KAT6B: variants seen among roughly 807,000 people sequenced by gnomAD.
KAT6B encodes the protein histone acetyltransferase KAT6B.
Under a neutral mutation model 187.5 loss-of-function variants are expected in KAT6B, and 10 were observed. The ratio of observed to expected loss-of-function variants is 0.05; its 90% CI spans 0.03 to 0.09. The LOEUF (loss-of-function observed/expected upper bound fraction) is 0.09. KAT6B is among the 10% of genes least tolerant of loss of function. The probability of loss-of-function intolerance (pLI) is 1.00; values close to 1 mark genes in which losing one functional copy is unlikely to be tolerated. For missense variants in KAT6B, 1,952 were observed against 2,558.9 expected (o/e 0.76, Z 5.12); for synonymous variants, 861 against 926.8 (o/e 0.93, Z 1.29).
intron 3 of KAT6B, among the ~76,000 whole-genome samples, chr10:74,956,779 T>C (rs1185400571): frequency 6.6e-6 from 1 of 152,248 alleles, no homozygotes; most frequent in Non-Finnish European, 1.5e-5. Flanking sequence ...GCCTAGCAGC[T>C]GCCCCAGGGC....
At chr10:74,973,027 T>C (rs1262908331) in intron 7 of KAT6B, among the ~76,000 whole-genome samples, 1 of 152,246 alleles carries the variant, frequency 6.6e-6, no homozygotes, top group Non-Finnish European at 1.5e-5. Flanking sequence ...AAATCTCTTT[T>C]GTCACTCCAG....
intron 3 of KAT6B, among the ~76,000 whole-genome samples, chr10:74,859,255 T>A (rs1319149416): frequency 6.8e-6 from 1 of 148,066 alleles, no homozygotes; most frequent in Non-Finnish European, 1.5e-5. Flanking sequence ...TAATTTTGTA[T>A]TTTTTTTTTA....
intron 3 of KAT6B, among the ~76,000 whole-genome samples, chr10:74,913,068 G>C (rs1847364587): frequency 6.6e-6 from 1 of 152,218 alleles, no homozygotes; most frequent in African/African-American, 2.4e-5. Context: ...GACTTGAAGA[G>C]AGAGAAAGGG....
At chr10:74,897,796 G>C (rs972461565) in intron 3 of KAT6B, among the ~76,000 whole-genome samples, 32 of 152,106 alleles carry the variant, frequency 2.1e-4, no homozygotes, top group Admixed American at 2.0e-3. Flanking sequence ...CTTCATAACT[G>C]CTTACGCTCA....
At chr10:74,876,532 A>G (rs1190675303) in intron 3 of KAT6B, among the ~76,000 whole-genome samples, 1 of 152,208 alleles carries the variant, frequency 6.6e-6, no homozygotes, top group Non-Finnish European at 1.5e-5. Flanking sequence ...TTCCAGGACA[A>G]AATTAAGCCA....
At chr10:74,958,892 G>A (rs1589705037) in intron 3 of KAT6B, among the ~76,000 whole-genome samples, 1 of 151,888 alleles carries the variant, frequency 6.6e-6, no homozygotes. Context: ...ATAAAAATTA[G>A]CCGGGTTTGG....
At chr10:74,951,252 C>T (rs1213530156) in intron 3 of KAT6B, among the ~76,000 whole-genome samples, 1 of 151,920 alleles carries the variant, frequency 6.6e-6, no homozygotes, top group African/African-American at 2.4e-5. Flanking sequence ...GCCTCAGCCT[C>T]CAGAGTAGCT....
intron 3 of KAT6B, among the ~76,000 whole-genome samples, chr10:74,904,280 C>T (rs1490033136): frequency 6.6e-6 from 1 of 152,000 alleles, no homozygotes; most frequent in African/African-American, 2.4e-5. Flanking sequence ...TAACTGGGTC[C>T]CCTGCTCAAG....
At chr10:74,832,102 C>T (rs995730715) in intron 1 of KAT6B, among the ~76,000 whole-genome samples, 3 of 152,180 alleles carry the variant, frequency 2.0e-5, no homozygotes, top group Non-Finnish European at 4.4e-5. Flanking sequence ...CTTAAGTGGT[C>T]CATGGCTGGA....
chr10:74,922,027 G>T (rs1848174692), intron 3 of KAT6B, among the ~76,000 whole-genome samples: 2 of 152,170 alleles, frequency 1.3e-5, no homozygotes, highest in Non-Finnish European at 2.9e-5. Context: ...TGTCATCTCT[G>T]CCAGAAAAGA....
chr10:74,975,629 C>A lies in KAT6B; in HGVS notation c.1292C>A (p.Thr431Asn). Residue 431 changes from threonine (T) to asparagine (N), a missense_variant, in exon 8 of 18, where the codon ACC becomes AAC. Thr to Asn is a moderately conservative substitution (Grantham distance 65, BLOSUM62 0). Around this residue, in one of 9 missense-constraint regions of KAT6B, gnomAD observed 417 missense variants for 508.9 expected, o/e 0.82. Coordinates refer to ENST00000287239, the MANE Select transcript of KAT6B (RefSeq NM_012330.4). ...SASTLKVNKK[T>N]KGLIDGLTKF... Reference sequence around the variant, plus strand: ...TCTACACTTAAAGTTAACAAGAAAACCAAAGGGCTCATTGATGGCCTTACT... The same window carrying A: ...TCTACACTTAAAGTTAACAAGAAAAACAAAGGGCTCATTGATGGCCTTACT... 2 of 1,614,150 alleles carry A rather than the reference C, an allele frequency of 1.2e-6. No homozygotes were observed. The highest frequency in any genetic ancestry group is 1.7e-6 in the Non-Finnish European group (2 of 1,180,040).
chr10:74,830,151 C>T (rs1207940256), intron 1 of KAT6B, among the ~76,000 whole-genome samples: 1 of 152,056 alleles, frequency 6.6e-6, no homozygotes, highest in African/African-American at 2.4e-5. Context: ...TATTTCTTCC[C>T]TTTAATGCCT....
intron 9 of KAT6B, among the ~76,000 whole-genome samples, chr10:74,977,640 G>A (rs1842250286): frequency 6.6e-6 from 1 of 152,176 alleles, no homozygotes; most frequent in Non-Finnish European, 1.5e-5. Flanking sequence ...AGTAGGTATG[G>A]ACTCAGCTGG....
At chr10:74,904,421 G>A (rs1846611232) in intron 3 of KAT6B, among the ~76,000 whole-genome samples, 1 of 152,172 alleles carries the variant, frequency 6.6e-6, no homozygotes, top group Admixed American at 6.5e-5. Flanking sequence ...CTGCCACATG[G>A]CCCTCTCTAC....
chr10:74,958,149 T>G lies in KAT6B; in HGVS notation c.622-1821T>G, dbSNP rs1840818403. On this transcript the variant is annotated intron_variant, in intron 3 of 17. Transcript: ENST00000287239. ...TCATGAGATGGTTTTTTGTTTTTGATGACATGTTGTCCCAAGGAACTAAGG... is the reference window on the plus strand; with the variant it reads ...TCATGAGATGGTTTTTTGTTTTTGAGGACATGTTGTCCCAAGGAACTAAGG... Among the ~76,000 whole-genome samples the G allele has an allele frequency of 2.6e-5, 4 of 152,240 alleles. 1 individual carries two copies. The South Asian group carries it at 8.3e-4, about 32-fold the overall frequency.
intron 3 of KAT6B, among the ~76,000 whole-genome samples, chr10:74,876,938 A>G (rs902998949): frequency 6.6e-6 from 1 of 152,006 alleles, no homozygotes; most frequent in Non-Finnish European, 1.5e-5. Flanking sequence ...AAAATAAAGA[A>G]AACTTTTTTT....
At position 75,029,915 on chromosome 10, in the gene KAT6B, C is replaced by T. The variant is rs200958499; in HGVS notation, c.5091C>T (p.Asn1697=). Residue 1697 remains asparagine, a synonymous_variant, in exon 18 of 18, where the codon AAC becomes AAT. Coordinates refer to ENST00000287239, the MANE Select transcript of KAT6B (RefSeq NM_012330.4). This position sits in a 1 kb window ranked among gnomAD's most constrained non-coding sequence, Gnocchi z 6.2. The part of the protein sequence containing the change: ...DSTMGGSICG[N]GSSQNSCSYS... ...CTATGGGAGGCAGCATCTGTGGAAACGGCTCTTCACAGAACAGCTGCTCCT... is the reference window on the plus strand; with the variant it reads ...CTATGGGAGGCAGCATCTGTGGAAATGGCTCTTCACAGAACAGCTGCTCCT... 2.3e-5 allele frequency: 37 copies of T among 1,614,086 alleles called. No individual in the cohort carries two copies. Among genetic ancestry groups the T allele is most frequent in the East Asian group, 8.9e-5 (4 of 44,902 alleles).
Position 75,032,287 on chromosome 10 carries a change from AT to A in KAT6B, c.*1246del. ...AACATAAAATAAATTATGATGAGCCATTTTTAGCCTCTTGTGTCCTGTCATA... is the reference window on the plus strand; with the variant it reads ...AACATAAAATAAATTATGATGAGCCATTTTAGCCTCTTGTGTCCTGTCATA... On this transcript the variant is annotated 3_prime_UTR_variant, in exon 18 of 18. Coordinates refer to ENST00000287239, the MANE Select transcript of KAT6B (RefSeq NM_012330.4). 1 of 193,504 alleles carries A rather than the reference AT, an allele frequency of 5.2e-6. No individual in the cohort carries two copies. The highest frequency in any genetic ancestry group is 6.1e-5 in the Admixed American group (1 of 16,326). The allele number at this position is 193,504 out of a possible 1,614,324, so 12.0% of individuals were successfully genotyped here.
chr10:74,885,588 A>G (rs1290760735), intron 3 of KAT6B, among the ~76,000 whole-genome samples: 1 of 152,216 alleles, frequency 6.6e-6, no homozygotes, highest in African/African-American at 2.4e-5. Flanking sequence ...ATTCCAATAT[A>G]ATTAATTGAA....
Sources: allele counts gnomAD v4.1 joint callset (sites outside exome capture counted in the v4.1 genomes callset), GRCh38; gene constraint gnomAD v4.1.1; regional missense constraint gnomAD v4.1.1; non-coding constraint Gnocchi (gnomAD v3.1); transcripts MANE v1.5; gene names NCBI Gene and HGNC (gene_info 2026-07-23, HGNC 2026-07-21).